RGS7: variants seen among roughly 807,000 people sequenced by gnomAD.
RGS7 encodes regulator of G-protein signaling 7.
Under a neutral mutation model 81.1 loss-of-function variants are expected in RGS7, and 27 were observed. The observed-to-expected ratio is 0.33, with a 90% CI of 0.25 to 0.46. RGS7 has a LOEUF of 0.46. Ranked by LOEUF, RGS7 falls within the 20% of genes least tolerant of loss-of-function variation. The pLI, the probability that RGS7 is intolerant of heterozygous loss-of-function variation, is 1.00. For synonymous variants in RGS7, 208 were observed against 207.7 expected, an observed-to-expected ratio of 1.00 and a Z score of -0.01; for missense variants, 396 against 607.4, an observed-to-expected ratio of 0.65 and a Z score of 3.66.
At position 240,953,687 on chromosome 1, in the gene RGS7, T is replaced by C. The variant is rs184194937; in HGVS notation, c.227-16981A>G. Among the ~76,000 whole-genome samples the C allele has an allele frequency of 9.5e-3, 1,445 of 152,006 alleles. 12 individuals are homozygous for C. Among genetic ancestry groups the C allele is most frequent in the Non-Finnish European group, 0.016 (1,093 of 67,822 alleles). On this transcript the variant is annotated intron_variant, in intron 4 of 18. Coordinates refer to ENST00000440928, the MANE Select transcript of RGS7 (RefSeq NM_001364886.1). ...ACCTAAGATTATACGCTAGCAATAT[T>C]AGAACCTAGAGAAAGAAGAGCAATT... is the stretch of plus-strand genomic sequence containing the variant.
At chr1:240,889,309 A>G (rs1667896000) in intron 6 of RGS7, among the ~76,000 whole-genome samples, 1 of 152,128 alleles carries the variant, frequency 6.6e-6, no homozygotes, top group Non-Finnish European at 1.5e-5. Flanking sequence ...CAACTCCAGG[A>G]ATATCTAGAG....
chr1:240,975,424 C>CA (rs1307805376), intron 4 of RGS7, among the ~76,000 whole-genome samples: 1 of 151,664 alleles, frequency 6.6e-6, no homozygotes. Context: ...AACAAACAAA[C>CA]AAAAAAACAC....
At chr1:240,801,539 G>C in intron 16 of RGS7, 31 bp from the exon 17 acceptor site, 1 of 1,416,428 alleles carries the variant, frequency 7.1e-7, no homozygotes, top group Non-Finnish European at 1.0e-6. Context: ...TAGGATGAAG[G>C]GAAATAAGGG....
chr1:240,892,538 T>C (rs898081207), intron 6 of RGS7, among the ~76,000 whole-genome samples: 4 of 152,172 alleles, frequency 2.6e-5, no homozygotes, highest in African/African-American at 7.2e-5. Flanking sequence ...TGCTGTTAAG[T>C]TGAGCCTAAA....
intron 2 of RGS7, among the ~76,000 whole-genome samples, chr1:241,346,928 A>C (rs1207035807): frequency 1.3e-5 from 2 of 152,198 alleles, no homozygotes; most frequent in Non-Finnish European, 1.5e-5. Context: ...ACATTGTAAT[A>C]ATATTAATTA....
rs138667789 is a variant in RGS7, at chr1:241,216,333, G to A, written c.79-117571C>T. Among the ~76,000 whole-genome samples, 582 of 151,808 alleles carry A rather than the reference G, an allele frequency of 3.8e-3. 3 individuals are homozygous for A. Among genetic ancestry groups the A allele is most frequent in the Non-Finnish European group, 6.9e-3 (471 of 67,858 alleles). On this transcript the variant is annotated intron_variant, in intron 2 of 18. Coordinates refer to ENST00000440928, the MANE Select transcript of RGS7 (RefSeq NM_001364886.1). ...GGAAGAAAAATGAGAATAAAAAGAG[G>A]TAAAACATGGCGTTTCATCTTATAA...
intron 2 of RGS7, among the ~76,000 whole-genome samples, chr1:241,127,549 G>T (rs12032089): frequency 2.0e-5 from 3 of 151,794 alleles, no homozygotes; most frequent in Admixed American, 6.6e-5. Context: ...TTGTGGCGTG[G>T]GGGGAGCGGG....
chr1:241,124,223 C>T (rs1195782610), intron 2 of RGS7, among the ~76,000 whole-genome samples: 23 of 147,550 alleles, frequency 1.6e-4, no homozygotes, highest in Middle Eastern at 3.2e-3. Flanking sequence ...AGTGAGACCT[C>T]GTCTCTAGAA....
At chr1:241,040,148 G>A (rs550147097) in intron 3 of RGS7, among the ~76,000 whole-genome samples, 3 of 152,128 alleles carry the variant, frequency 2.0e-5, no homozygotes, top group Non-Finnish European at 4.4e-5. Context: ...CACCTGAGGT[G>A]GCCACATCTC....
intron 2 of RGS7, among the ~76,000 whole-genome samples, chr1:241,183,476 C>G (rs1323924478): frequency 6.6e-6 from 1 of 152,200 alleles, no homozygotes; most frequent in Non-Finnish European, 1.5e-5. Flanking sequence ...TGTCTCGCAG[C>G]TGACATTTCC....
At position 241,044,196 on chromosome 1, in the gene RGS7, C is replaced by A. The variant is rs561221356; in HGVS notation, c.175+54470G>T. On this transcript the variant is annotated intron_variant, in intron 3 of 18. Coordinates refer to ENST00000440928, the MANE Select transcript of RGS7 (RefSeq NM_001364886.1). ...TGGCATGATCTGGGCTCACTGCAAC[C>A]CCGCCTCCTGGGTTCAAGCGATTCT... Among the ~76,000 whole-genome samples the A allele has an allele frequency of 2.0e-5, 3 of 151,176 alleles. No homozygotes were observed. The South Asian group carries it at 6.3e-4, about 32-fold the overall frequency.
intron 2 of RGS7, among the ~76,000 whole-genome samples, chr1:241,293,310 G>T (rs1049877446): frequency 7.2e-5 from 11 of 152,224 alleles, no homozygotes; most frequent in African/African-American, 2.6e-4. Context: ...TATGTTACTG[G>T]TTTATGTATT....
chr1:240,989,430 G>GT (rs1397955660), intron 3 of RGS7, among the ~76,000 whole-genome samples: 2 of 150,748 alleles, frequency 1.3e-5, no homozygotes, highest in Non-Finnish European at 3.0e-5. Flanking sequence ...GTGAGACACT[G>GT]TCTCAAAAAA....
At position 240,863,319 on chromosome 1, in the gene RGS7, C is replaced by CA. The variant is rs763985347; in HGVS notation, c.609+5267dup. Among the ~76,000 whole-genome samples, 242 of 151,920 alleles carry CA rather than the reference C, an allele frequency of 1.6e-3. 1 individual carries two copies. Among genetic ancestry groups the CA allele is most frequent in the Non-Finnish European group, 3.1e-3 (212 of 67,930 alleles). On this transcript the variant is annotated intron_variant, in intron 9 of 18. Transcript: ENST00000440928. ...TGAAACCCCGTCTCTACTAAAAATA[C>CA]AAAAAATTAGCTGGGCGTGGTGGCA... is the stretch of plus-strand genomic sequence containing the variant.
chr1:240,929,694 T>C (rs760612968), intron 6 of RGS7, among the ~76,000 whole-genome samples: 2 of 152,214 alleles, frequency 1.3e-5, no homozygotes, highest in Non-Finnish European at 2.9e-5. Flanking sequence ...ACTGCCTTTG[T>C]ATATTATGCC....
Position 241,319,337 on chromosome 1 carries a change from G to C in RGS7, c.78+36362C>G, listed in dbSNP as rs561420070. On this transcript the variant is annotated intron_variant, in intron 2 of 18. Coordinates refer to ENST00000440928, the MANE Select transcript of RGS7 (RefSeq NM_001364886.1). The stretch of plus-strand genomic sequence containing the variant: ...GTAAACATGAAATGCTAATATAAAA[G>C]AAAAATACAAGAATATAGATTTTAC... Among the ~76,000 whole-genome samples the C allele has an allele frequency of 3.6e-3, 547 of 152,108 alleles. 2 individuals are homozygous for C. Among genetic ancestry groups the C allele is most frequent in the Non-Finnish European group, 6.4e-3 (433 of 67,960 alleles).
chr1:241,346,677 C>A (rs950954420), intron 2 of RGS7, among the ~76,000 whole-genome samples: 1 of 152,154 alleles, frequency 6.6e-6, no homozygotes, highest in East Asian at 1.9e-4. Flanking sequence ...ACTCAGTCTG[C>A]GTAAGTTGCC....
At chr1:240,845,444 G>A (rs149573413) in intron 9 of RGS7, among the ~76,000 whole-genome samples, 8 of 152,216 alleles carry the variant, frequency 5.3e-5, no homozygotes, top group Admixed American at 1.3e-4. Context: ...GTCCTGGTGC[G>A]ATATAATATC....
intron 9 of RGS7, among the ~76,000 whole-genome samples, chr1:240,838,054 C>A (rs1694994973): frequency 6.6e-6 from 1 of 152,200 alleles, no homozygotes; most frequent in South Asian, 2.1e-4. Flanking sequence ...GTGCATCTCC[C>A]TGTCTTAGTC....
Sources: allele counts gnomAD v4.1 joint callset (sites outside exome capture counted in the v4.1 genomes callset), GRCh38; gene constraint gnomAD v4.1.1; transcripts MANE v1.5; gene names NCBI Gene and HGNC (gene_info 2026-07-23, HGNC 2026-07-21).